The following SNRNP40 variants were observed in gnomAD, a reference collection of about 807,000 sequenced individuals.
SNRNP40 encodes U5 small nuclear ribonucleoprotein 40 kDa protein.
SNRNP40 carries 21 observed loss-of-function variants against 45.8 expected under a neutral mutation model. The ratio of observed to expected loss-of-function variants is 0.46; its 90% CI spans 0.32 to 0.66. The LOEUF (loss-of-function observed/expected upper bound fraction) is 0.66. Among genes scored for constraint, SNRNP40 ranks in the 30% least tolerant of loss-of-function variants. The probability of loss-of-function intolerance (pLI) is 0.03; values close to 1 mark genes in which losing one functional copy is unlikely to be tolerated. For missense variants in SNRNP40, 344 were observed against 439.1 expected, an observed-to-expected ratio of 0.78 and a Z score of 1.94; for synonymous variants, 142 against 163.8, an observed-to-expected ratio of 0.87 and a Z score of 1.01.
At chr1:31,293,129 G>C in intron 2 of SNRNP40, 90 bp downstream of exon 2, 1 of 1,404,520 alleles carries the variant, frequency 7.1e-7, no homozygotes, top group Non-Finnish European at 1.0e-6. Context: ...TGCCAACATA[G>C]AGTGATACCT....
intron 3 of SNRNP40, among the ~76,000 whole-genome samples, chr1:31,289,767 CTGG>C (rs1305985989): frequency 6.6e-6 from 1 of 152,222 alleles, no homozygotes. Flanking sequence ...TAATAACTCC[CTGG>C]TGCTGCAGAG....
In SNRNP40 at chr1:31,294,428, C is replaced by G. The variant is rs569666375; in HGVS notation, c.142-1080G>C. On this transcript the variant is annotated intron_variant, in intron 1 of 9. Transcript: ENST00000263694. Reference sequence around the variant, plus strand: ...ACTACCCATAATCCCCAAATCTCTTCAGTACTTCCCAGCATTTTCATATTT... The same window carrying G: ...ACTACCCATAATCCCCAAATCTCTTGAGTACTTCCCAGCATTTTCATATTT... 1.3e-4 allele frequency among the ~76,000 whole-genome samples: 19 copies of G among 151,348 alleles called. 1 individual carries two copies. Among genetic ancestry groups the G allele is most frequent in the Non-Finnish European group, 1.6e-4 (11 of 67,744 alleles).
chr1:31,292,073 A>G (rs2148391773), intron 2 of SNRNP40, 67 bp from the exon 3 acceptor site: 27 of 1,113,478 alleles, frequency 2.4e-5, no homozygotes, highest in Non-Finnish European at 3.0e-5. Context: ...TCAGAACAAC[A>G]GTTCTCAGGT....
intron 4 of SNRNP40, among the ~76,000 whole-genome samples, chr1:31,284,210 C>T (rs1014345642): frequency 1.3e-5 from 2 of 152,190 alleles, no homozygotes; most frequent in African/African-American, 2.4e-5. Context: ...GTGAGAGTGG[C>T]GGCATCTCGG....
At chr1:31,283,141 C>T (rs1646031776) in intron 4 of SNRNP40, among the ~76,000 whole-genome samples, 1 of 152,122 alleles carries the variant, frequency 6.6e-6, no homozygotes, top group Non-Finnish European at 1.5e-5. Context: ...AGGCAGGCTC[C>T]AACATACAAA....
intron 5 of SNRNP40, among the ~76,000 whole-genome samples, chr1:31,274,444 C>T (rs555118072): frequency 1.3e-5 from 2 of 152,066 alleles, no homozygotes; most frequent in South Asian, 4.2e-4. Flanking sequence ...ACCATGTTGG[C>T]CATGGCCAGG....
Position 31,271,508 on chromosome 1 carries a change from A to T in SNRNP40, c.655-9T>A. 1 of 1,594,616 alleles carries T rather than the reference A, an allele frequency of 6.3e-7. No individual in the cohort carries two copies. Among genetic ancestry groups the T allele is most frequent in the Non-Finnish European group, 8.5e-7 (1 of 1,175,068 alleles). ...TGGCGCAGGTCCCAGACCTGCAAAA[A>T]CAGAAAGGTGCCCCCAGAAATCAAA... On this transcript the variant is annotated splice_polypyrimidine_tract_variant and intron_variant, in intron 5 of 9. Transcript: ENST00000263694.
chr1:31,266,282 C>T lies in SNRNP40; in HGVS notation c.920+1589G>A, dbSNP rs574871392. On this transcript the variant is annotated intron_variant, in intron 8 of 9. Transcript: ENST00000263694. ...AATATGCTGAAAGCCCTGGCTAGCC[C>T]AAGAAAGTCTTCCTATTTATAGGAT... 6.6e-5 allele frequency among the ~76,000 whole-genome samples: 10 copies of T among 152,168 alleles called. No homozygotes were observed. In the South Asian group the frequency reaches 2.1e-3, roughly 32 times the overall value.
intron 5 of SNRNP40, among the ~76,000 whole-genome samples, chr1:31,271,884 C>T (rs897248071): frequency 6.6e-6 from 1 of 152,172 alleles, no homozygotes; most frequent in Non-Finnish European, 1.5e-5. Flanking sequence ...AATCCTCCCA[C>T]CTCATCCTCT....
intron 9 of SNRNP40, among the ~76,000 whole-genome samples, 180 bp from the exon 10 acceptor site, chr1:31,260,301 T>C (rs1645849492): frequency 1.3e-5 from 2 of 152,242 alleles, no homozygotes; most frequent in South Asian, 4.1e-4. Context: ...AGTCCTCTAA[T>C]ATCATGAGGA....
chr1:31,296,595 C>T lies in SNRNP40; in HGVS notation c.141+16G>A, dbSNP rs1367107680. On this transcript the variant is annotated intron_variant, in intron 1 of 9. Transcript: ENST00000263694. ...AGATGAGCTGAGGGCCAAAGGCCGC[C>T]TGCTTCTTCACTTACCGCTTGCAGC... The T allele has an allele frequency of 1.9e-6, 3 of 1,602,242 alleles. No homozygotes were observed. Among genetic ancestry groups the T allele is most frequent in the Non-Finnish European group, 2.6e-6 (3 of 1,174,674 alleles).
chr1:31,271,193 G>A (rs1363354313), intron 6 of SNRNP40, 186 bp downstream of exon 6: 8 of 535,654 alleles, frequency 1.5e-5, no homozygotes, highest in Non-Finnish European at 2.6e-5. Flanking sequence ...GATGCCTAGA[G>A]AGAAGAAATG....
At position 31,271,246 on chromosome 1, in the gene SNRNP40, T is replaced by C. The variant is rs557086848; in HGVS notation, c.775+133A>G. 32 of 860,894 alleles carry C rather than the reference T, an allele frequency of 3.7e-5. No homozygotes were observed. In the Admixed American group the frequency reaches 4.9e-4, roughly 13 times the overall value. 53.3% of individuals were successfully genotyped at this position (860,894 alleles called of 1,614,324 possible). A position where few individuals can be genotyped will look rare whatever the true frequency, so the allele number is the denominator to read the frequency against. On this transcript the variant is annotated intron_variant, in intron 6 of 9. Coordinates refer to ENST00000263694, the MANE Select transcript of SNRNP40 (RefSeq NM_004814.3). ...CAGGGACAAGACAGAGATCTGAGAC[T>C]ACAGTCCTAGATTCTTGACTATCTC... is the stretch of plus-strand genomic sequence containing the variant.
chr1:31,283,782 A>T (rs1272534235), intron 4 of SNRNP40, among the ~76,000 whole-genome samples: 2 of 152,266 alleles, frequency 1.3e-5, no homozygotes, highest in Non-Finnish European at 2.9e-5. Context: ...TGGTCCATAT[A>T]GAAGGAAAAA....
intron 5 of SNRNP40, among the ~76,000 whole-genome samples, chr1:31,280,576 T>G (rs1454232031): frequency 6.6e-6 from 1 of 152,084 alleles, no homozygotes; most frequent in Non-Finnish European, 1.5e-5. Context: ...CAGTTACTCT[T>G]CTTACTATAA....
chr1:31,266,526 A>G (rs1645897841), intron 8 of SNRNP40, among the ~76,000 whole-genome samples: 2 of 152,230 alleles, frequency 1.3e-5, no homozygotes. Flanking sequence ...TACCACAGAC[A>G]TGCCAAATAC....
chr1:31,261,576 T>C lies in SNRNP40; in HGVS notation c.977A>G (p.His326Arg), dbSNP rs2148378559. 6.2e-7 allele frequency: 1 copy of C among 1,614,186 alleles called. No individual in the cohort carries two copies. The highest frequency in any genetic ancestry group is 8.5e-7 in the Non-Finnish European group (1 of 1,180,004). ...SRRILYKLPG[H>R]AGSINEVAFH... ...AGCCACTTCATTGATGGAGCCAGCATGGCCGGGCAGCTTATACAATATTCT... is the reference window on the plus strand; with the variant it reads ...AGCCACTTCATTGATGGAGCCAGCACGGCCGGGCAGCTTATACAATATTCT... The change falls in exon 9 of 10, where the codon CAT becomes CGT. Residue 326 changes from histidine to arginine, a missense_variant. Physicochemically the swap from His to Arg is conservative, Grantham distance 29. Transcript: ENST00000263694.
At chr1:31,278,535 T>G (rs933819876) in intron 5 of SNRNP40, among the ~76,000 whole-genome samples, 1 of 152,212 alleles carries the variant, frequency 6.6e-6, no homozygotes, top group Non-Finnish European at 1.5e-5. Context: ...GTACAAGAAG[T>G]CTTCTAGTGA....
chr1:31,293,677 G>A (rs552515967), intron 1 of SNRNP40, among the ~76,000 whole-genome samples: 62 of 152,248 alleles, frequency 4.1e-4, no homozygotes, highest in African/African-American at 1.5e-3. Flanking sequence ...AAACTCCTTG[G>A]CTCAAGTGAT....
Sources: gnomAD v4.1 joint callset for allele counts (sites outside exome capture counted in the v4.1 genomes callset) on GRCh38, gnomAD v4.1.1 for gene constraint, MANE v1.5 for transcripts, NCBI Gene and HGNC (gene_info 2026-07-23, HGNC 2026-07-21) for gene names.